Variants in SHMT1 observed in about 807,000 individuals in gnomAD.
The protein encoded by SHMT1 is serine hydroxymethyltransferase, cytosolic.
In SHMT1, 45 loss-of-function variants were observed where a neutral mutation model predicts 49.0. The observed-to-expected ratio is 0.92, with a 90% CI of 0.72 to 1.18. The LOEUF is 1.18. SHMT1 is among the 50% of genes most tolerant of loss of function. SHMT1 has a pLI of 0.00. For synonymous variants in SHMT1, 232 were observed against 246.6 expected (o/e 0.94, Z 0.55); for missense variants, 541 against 612.4 (o/e 0.88, Z 1.23).
chr17:18,340,077 T>C lies in SHMT1; in HGVS notation c.780A>G (p.Arg260=). 6.2e-7 allele frequency: 1 copy of C among 1,614,070 alleles called. No homozygotes were observed. The change falls in exon 7 of 12, where the codon CGA becomes CGG. Residue 260 remains arginine, a synonymous_variant. Coordinates refer to ENST00000316694, the MANE Select transcript of SHMT1 (RefSeq NM_004169.5). This position sits in a 1 kb window ranked among gnomAD's most constrained non-coding sequence, Gnocchi z 4.5. Reference sequence around the variant, plus strand: ...AGAAGATCATGCCAGCTCGGCAGCCTCGCAGGGTCTTGTGAGTGGTGGTGG... The same window carrying C: ...AGAAGATCATGCCAGCTCGGCAGCCCCGCAGGGTCTTGTGAGTGGTGGTGG... ...VVTTTTHKTL[R]GCRAGMIFYR...
chr17:18,340,089 G>GT lies in SHMT1; in HGVS notation c.767dup (p.His256GlnfsTer70). On this transcript the variant is annotated frameshift_variant, in exon 7 of 12. Coordinates refer to ENST00000316694, the MANE Select transcript of SHMT1 (RefSeq NM_004169.5). LOFTEE classifies it high-confidence loss of function. This position sits in a 1 kb window ranked among gnomAD's most constrained non-coding sequence, Gnocchi z 4.5. The stretch of plus-strand genomic sequence containing the variant: ...CAGCTCGGCAGCCTCGCAGGGTCTT[G>GT]TGAGTGGTGGTGGTCACCACATGGC... The GT allele has an allele frequency of 6.2e-7, 1 of 1,614,120 alleles. No individual in the cohort carries two copies. The highest frequency in any genetic ancestry group is 8.5e-7 in the Non-Finnish European group (1 of 1,180,046).
intron 1 of SHMT1, 31 bp from the exon 2 acceptor site, chr17:18,356,031 C>T: frequency 9.8e-7 from 1 of 1,018,816 alleles, no homozygotes; most frequent in East Asian, 2.4e-5. Context: ...TGTGTAGCTT[C>T]CAGAATTAAA....
chr17:18,335,496 T>C (rs2151570531), intron 8 of SHMT1, 63 bp downstream of exon 8: 2 of 1,178,054 alleles, frequency 1.7e-6, no homozygotes, highest in Non-Finnish European at 1.3e-6. Flanking sequence ...GCACACGATT[T>C]TGGAGGACAG....
Position 18,362,004 on chromosome 17 carries a change from A to G in SHMT1, c.-20+1368T>C, listed in dbSNP as rs959935726. On this transcript the variant is annotated intron_variant, in intron 1 of 11. Transcript: ENST00000316694. ...CACCTGCAAGGTCACCAGCCTCCCC[A>G]TGCCTCCAAATCTTACCTGGGCCTC... is the stretch of plus-strand genomic sequence containing the variant. Among the ~76,000 whole-genome samples the G allele has an allele frequency of 6.2e-4, 94 of 152,294 alleles. 1 individual carries two copies. Among genetic ancestry groups the G allele is most frequent in the East Asian group, 1.9e-4 (1 of 5,176 alleles).
At chr17:18,338,767 A>C (rs11869515) in intron 7 of SHMT1, among the ~76,000 whole-genome samples, 33,306 of 152,032 alleles carry the variant, frequency 0.22, 3,839 homozygotes, top group East Asian at 0.3. Flanking sequence ...TGCTCTCTGA[A>C]ACATGTGCTG....
At chr17:18,342,476 G>A (rs936701810) in intron 5 of SHMT1, among the ~76,000 whole-genome samples, 5 of 151,622 alleles carry the variant, frequency 3.3e-5, no homozygotes, top group Admixed American at 2.0e-4. Flanking sequence ...CACCACACCC[G>A]GCTAATTCTT....
At chr17:18,358,644 G>A (rs563519436) in intron 1 of SHMT1, among the ~76,000 whole-genome samples, 13 of 152,318 alleles carry the variant, frequency 8.5e-5, no homozygotes, top group African/African-American at 2.9e-4. Context: ...GTTCATGCCT[G>A]TAATTCCAGC....
intron 3 of SHMT1, 183 bp from the exon 4 acceptor site, chr17:18,348,623 C>A: frequency 1.4e-6 from 1 of 713,238 alleles, no homozygotes; most frequent in Non-Finnish European, 2.6e-6. Flanking sequence ...CCTCTGGAAT[C>A]TACAGTCAAG....
chr17:18,359,778 T>A (rs1437735379), intron 1 of SHMT1, among the ~76,000 whole-genome samples: 1 of 150,964 alleles, frequency 6.6e-6, no homozygotes, highest in African/African-American at 2.4e-5. Flanking sequence ...AAACCCCATC[T>A]CCACTAAAAA....
At chr17:18,331,032 C>G (rs1388709351) in intron 9 of SHMT1, 4 of 364,532 alleles carry the variant, frequency 1.1e-5, no homozygotes, top group Non-Finnish European at 1.6e-5. Flanking sequence ...TATTGGGCAG[C>G]AGTTCAATTT....
intron 3 of SHMT1, among the ~76,000 whole-genome samples, chr17:18,349,925 TAGG>T (rs1460267806): frequency 6.6e-6 from 1 of 151,302 alleles, no homozygotes; most frequent in Non-Finnish European, 1.5e-5. Flanking sequence ...GAGGCTGAGG[TAGG>T]AGAATTGCTT....
At chr17:18,330,456 A>T in intron 10 of SHMT1, 99 bp downstream of exon 10, 1 of 925,698 alleles carries the variant, frequency 1.1e-6, no homozygotes. Flanking sequence ...TTTTTATGTG[A>T]GGTCTGTCCC....
At chr17:18,361,855 T>C (rs945432463) in intron 1 of SHMT1, among the ~76,000 whole-genome samples, 1 of 151,876 alleles carries the variant, frequency 6.6e-6, no homozygotes, top group Non-Finnish European at 1.5e-5. Context: ...ACCTGGTAAG[T>C]CCCCCAGCCA....
chr17:18,347,904 A>C, intron 4 of SHMT1, among the ~76,000 whole-genome samples: 1 of 141,110 alleles, frequency 7.1e-6, no homozygotes, highest in East Asian at 2.1e-4. Flanking sequence ...CTTATCTTTT[A>C]TTTATGGCAG....
At chr17:18,335,780 C>G in intron 7 of SHMT1, 105 bp from the exon 8 acceptor site, 1 of 857,262 alleles carries the variant, frequency 1.2e-6, no homozygotes, top group South Asian at 1.3e-5. Flanking sequence ...ACAAGCCTGG[C>G]CTTTATCCTG....
intron 1 of SHMT1, among the ~76,000 whole-genome samples, chr17:18,357,933 G>A (rs1389426963): frequency 4.8e-5 from 7 of 145,084 alleles, no homozygotes; most frequent in African/African-American, 1.0e-4. Flanking sequence ...GCGCGATCTC[G>A]GCTCACTGCA....
At chr17:18,352,483 C>T (rs1567790142) in intron 3 of SHMT1, among the ~76,000 whole-genome samples, 1 of 152,086 alleles carries the variant, frequency 6.6e-6, no homozygotes, top group South Asian at 2.1e-4. Context: ...ACCCCTTGCT[C>T]GATACATTGC....
intron 5 of SHMT1, among the ~76,000 whole-genome samples, chr17:18,346,399 A>G (rs1007192971): frequency 5.3e-5 from 8 of 152,218 alleles, no homozygotes; most frequent in Non-Finnish European, 1.2e-4. Context: ...CCATGCCTGA[A>G]TAAGCCCACA....
chr17:18,340,055 A>T lies in SHMT1; in HGVS notation c.802T>A (p.Phe268Ile). Residue 268 changes from phenylalanine (F) to isoleucine (I), a missense_variant, in exon 7 of 12, where the codon TTC becomes ATC. Physicochemically the swap from Phe to Ile is conservative, Grantham distance 21. Coordinates refer to ENST00000316694, the MANE Select transcript of SHMT1 (RefSeq NM_004169.5). This position sits in a 1 kb window ranked among gnomAD's most constrained non-coding sequence, Gnocchi z 4.5. ...TTCGGGAGCTCACCTTTCCTGTAGA[A>T]GATCATGCCAGCTCGGCAGCCTCGC... ...TLRGCRAGMI[F>I]YRKGVKSVDP... The T allele has an allele frequency of 6.2e-7, 1 of 1,613,680 alleles. No homozygotes were observed. The highest frequency in any genetic ancestry group is 8.5e-7 in the Non-Finnish European group (1 of 1,180,032).
Sources: allele counts gnomAD v4.1 joint callset (sites outside exome capture counted in the v4.1 genomes callset), GRCh38; gene constraint gnomAD v4.1.1; non-coding constraint Gnocchi (gnomAD v3.1); transcripts MANE v1.5; gene names NCBI Gene and HGNC (gene_info 2026-07-23, HGNC 2026-07-21).